Variants in WWOX observed in about 807,000 individuals in gnomAD.
The protein encoded by WWOX is WW domain containing oxidoreductase, also known as WW domain-containing oxidoreductase.
Under a neutral mutation model 46.2 loss-of-function variants are expected in WWOX, and 69 were observed. That is an observed-to-expected ratio of 1.49 (90% CI 1.23 to 1.82). The LOEUF (loss-of-function observed/expected upper bound fraction) is 1.82. Among genes scored for constraint, WWOX ranks in the 40% most tolerant of loss-of-function variants. The probability of loss-of-function intolerance (pLI) is 0.00; values close to 1 mark genes in which losing one functional copy is unlikely to be tolerated. For synonymous variants in WWOX, 359 were observed against 202.6 expected, an observed-to-expected ratio of 1.77 and a Z score of -6.56; for missense variants, 919 against 542.6, an observed-to-expected ratio of 1.69 and a Z score of -6.89.
chr16:79,129,982 T>G (rs147277967), intron 8 of WWOX, among the ~76,000 whole-genome samples: 1 of 152,170 alleles, frequency 6.6e-6, no homozygotes, highest in East Asian at 1.9e-4. Context: ...ATCTGTAAAA[T>G]AGAGGTAATA....
chr16:78,900,531 T>C (rs1567636189), intron 8 of WWOX, among the ~76,000 whole-genome samples: 1 of 152,218 alleles, frequency 6.6e-6, no homozygotes, highest in African/African-American at 2.4e-5. Context: ...ATAAGAATTT[T>C]CTAAGCAGAG....
chr16:79,113,145 G>A (rs1270339180), intron 8 of WWOX, among the ~76,000 whole-genome samples: 1 of 152,208 alleles, frequency 6.6e-6, no homozygotes, highest in African/African-American at 2.4e-5. Flanking sequence ...GTTGTGATAA[G>A]GGTTTTGTGG....
intron 8 of WWOX, among the ~76,000 whole-genome samples, chr16:78,548,612 C>A (rs560670381): frequency 6.6e-6 from 1 of 152,130 alleles, no homozygotes; most frequent in African/African-American, 2.4e-5. Context: ...ACTGATGGGC[C>A]GGTTGACTCT....
chr16:78,702,816 T>G (rs949783333), intron 8 of WWOX, among the ~76,000 whole-genome samples: 2 of 152,116 alleles, frequency 1.3e-5, no homozygotes, highest in Non-Finnish European at 2.9e-5. Context: ...GTGCTGCGGG[T>G]CGAGGGAAAC....
intron 5 of WWOX, among the ~76,000 whole-genome samples, chr16:78,169,486 C>A (rs56340525): frequency 0.66 from 100,516 of 151,546 alleles, 33,705 homozygotes; most frequent in African/African-American, 0.73. Flanking sequence ...ATCTCAGGAC[C>A]TCTGCATGTA....
intron 8 of WWOX, among the ~76,000 whole-genome samples, chr16:79,024,315 G>A (rs1037076467): frequency 1.3e-5 from 2 of 152,214 alleles, no homozygotes; most frequent in Non-Finnish European, 2.9e-5. Context: ...TTGTGGTGCA[G>A]TGGCACAGTC....
intron 8 of WWOX, among the ~76,000 whole-genome samples, chr16:79,024,335 T>G (rs1404800814): frequency 1.3e-5 from 2 of 152,190 alleles, no homozygotes. Flanking sequence ...CACAGCTCAC[T>G]GCAGCCTCAA....
chr16:78,654,572 T>G (rs35312450), intron 8 of WWOX, among the ~76,000 whole-genome samples: 7,452 of 152,280 alleles, frequency 0.049, 257 homozygotes, highest in Non-Finnish European at 0.075. Flanking sequence ...GATTCTGATT[T>G]CTCCGTGATA....
chr16:79,199,446 G>A (rs147443021), intron 8 of WWOX, among the ~76,000 whole-genome samples: 8 of 152,246 alleles, frequency 5.3e-5, no homozygotes, highest in South Asian at 4.2e-4. Flanking sequence ...CACAGAAAGC[G>A]TCAAAGACAC....
chr16:78,879,279 G>T (rs1200101196), intron 8 of WWOX, among the ~76,000 whole-genome samples: 1 of 152,152 alleles, frequency 6.6e-6, no homozygotes, highest in Non-Finnish European at 1.5e-5. Context: ...AGTGAAGATT[G>T]CATCTCAGTA....
intron 8 of WWOX, among the ~76,000 whole-genome samples, chr16:78,481,543 C>G (rs1462138764): frequency 1.3e-5 from 2 of 151,964 alleles, no homozygotes; most frequent in African/African-American, 4.8e-5. Flanking sequence ...TCCCTCACCT[C>G]CCACCACCCC....
At chr16:79,035,839 C>T (rs767290508) in intron 8 of WWOX, among the ~76,000 whole-genome samples, 1 of 152,242 alleles carries the variant, frequency 6.6e-6, no homozygotes, top group Non-Finnish European at 1.5e-5. Context: ...GAACAGGGAT[C>T]CTGCCTCTGC....
At chr16:78,691,282 CA>C in intron 8 of WWOX, 1 of 702,188 alleles carries the variant, frequency 1.4e-6, no homozygotes, top group Non-Finnish European at 2.6e-6. Flanking sequence ...TTCTGATTGT[CA>C]GTGACTTTGG....
chr16:78,816,600 T>C (rs2142729025), intron 8 of WWOX, among the ~76,000 whole-genome samples: 1 of 150,090 alleles, frequency 6.7e-6, no homozygotes, highest in East Asian at 2.0e-4. Context: ...TTTCATCTTT[T>C]GGGTACTGAG....
chr16:78,286,225 G>A lies in WWOX; in HGVS notation c.517-100635G>A, dbSNP rs555333339. 4.6e-5 allele frequency among the ~76,000 whole-genome samples: 7 copies of A among 152,350 alleles called. No homozygotes were observed. In the East Asian group the frequency reaches 7.7e-4, roughly 17 times the overall value. On this transcript the variant is annotated intron_variant, in intron 5 of 8. Transcript: ENST00000566780. ...AATCCAAGAGATGGATGCAGCCAGC[G>A]TAATTAATTGCACCCAGTTACAGGA... is the stretch of plus-strand genomic sequence containing the variant.
intron 8 of WWOX, among the ~76,000 whole-genome samples, chr16:78,782,970 C>T (rs2050367983): frequency 6.6e-6 from 1 of 152,140 alleles, no homozygotes; most frequent in African/African-American, 2.4e-5. Context: ...ATTTCTATGC[C>T]TGCCTGTGAA....
chr16:78,764,739 G>T (rs193108553), intron 8 of WWOX, among the ~76,000 whole-genome samples: 2 of 151,484 alleles, frequency 1.3e-5, no homozygotes, highest in African/African-American at 4.8e-5. Context: ...CTAAGGCTGT[G>T]AGGATTCAAT....
At chr16:78,922,160 T>A (rs2045393933) in intron 8 of WWOX, among the ~76,000 whole-genome samples, 1 of 152,094 alleles carries the variant, frequency 6.6e-6, no homozygotes, top group South Asian at 2.1e-4. Flanking sequence ...GCCCACATAT[T>A]TGATCTCAGC....
chr16:79,177,414 A>T (rs878997526), intron 8 of WWOX, among the ~76,000 whole-genome samples: 1 of 152,104 alleles, frequency 6.6e-6, no homozygotes, highest in South Asian at 2.1e-4. Context: ...CATTTATCCA[A>T]AAGGCAAGGC....
Sources: allele counts gnomAD v4.1 joint callset (sites outside exome capture counted in the v4.1 genomes callset), GRCh38; gene constraint gnomAD v4.1.1; transcripts MANE v1.5; gene names NCBI Gene and HGNC (gene_info 2026-07-23, HGNC 2026-07-21).